Variants in HNF1A observed in about 807,000 individuals in gnomAD.
HNF1A encodes hepatocyte nuclear factor 1-alpha.
Under a neutral mutation model 62.2 loss-of-function variants are expected in HNF1A, and 21 were observed. The observed-to-expected ratio is 0.34, with a 90% CI of 0.24 to 0.49. The LOEUF is 0.49. HNF1A is among the 20% of genes least tolerant of loss of function. The probability of loss-of-function intolerance (pLI) is 0.99; values close to 1 mark genes in which losing one functional copy is unlikely to be tolerated. For synonymous variants in HNF1A, 374 were observed against 366.8 expected (o/e 1.02, Z -0.22); for missense variants, 687 against 832.3 (o/e 0.83, Z 2.15).
At position 120,978,764 on chromosome 12, in the gene HNF1A, G is replaced by A. The variant is rs370979090; in HGVS notation, c.-5G>A. 95 of 1,612,626 alleles carry A rather than the reference G, an allele frequency of 5.9e-5. 1 individual carries two copies. In the African/African-American group the frequency reaches 1.1e-3, roughly 19 times the overall value. ...CGGGCCGCGTGGCCCTGTGGCAGCC[G>A]AGCCATGGTTTCTAAACTGAGCCAG... On this transcript the variant is annotated 5_prime_UTR_variant, in exon 1 of 10. Transcript: ENST00000257555.
chr12:120,990,638 GAAAGGGAGGAAAGGT>G (rs1876781734), intron 2 of HNF1A, among the ~76,000 whole-genome samples: 63 of 99,820 alleles, frequency 6.3e-4, no homozygotes, highest in African/African-American at 1.5e-3. Context: ...GGAAAGATAG[GAAAGGGAGGAAAGGT>G]AGGAAAGGGA....
Position 121,002,441 on chromosome 12 carries a change from G to A in HNF1A, c.*1249G>A. 3.8e-6 allele frequency: 2 copies of A among 531,486 alleles called. No homozygotes were observed. The highest frequency in any genetic ancestry group is 7.3e-6 in the Non-Finnish European group (2 of 273,642). 32.9% of individuals were successfully genotyped at this position (531,486 alleles called of 1,614,324 possible). On this transcript the variant is annotated 3_prime_UTR_variant, in exon 10 of 10. Transcript: ENST00000257555. ...CTGGGGTGACCCGGCACCCCCTGCA[G>A]CTTGTAGCCAGCCGGGGCGAGTGGC...
At position 121,001,293 on chromosome 12, in the gene HNF1A, G is replaced by A; in HGVS notation, c.*101G>A. 1 of 1,426,094 alleles carries A rather than the reference G, an allele frequency of 7.0e-7. No individual in the cohort carries two copies. Among genetic ancestry groups the A allele is most frequent in the Non-Finnish European group, 9.7e-7 (1 of 1,035,606 alleles). The allele number at this position is 1,426,094 out of a possible 1,614,324, so 88.3% of individuals were successfully genotyped here. ...GACCTGAGCCTGCCGAGCAACCGTG[G>A]CCCTTCCTGGACAGCTGTGCCTCGC... On this transcript the variant is annotated 3_prime_UTR_variant, in exon 10 of 10. Coordinates refer to ENST00000257555, the MANE Select transcript of HNF1A (RefSeq NM_000545.8).
At chr12:120,990,427 C>A (rs1025237204) in intron 2 of HNF1A, among the ~76,000 whole-genome samples, 2 of 152,076 alleles carry the variant, frequency 1.3e-5, no homozygotes, top group African/African-American at 4.8e-5. Flanking sequence ...CCGCGCCTGG[C>A]CTTAATTATC....
At chr12:120,998,214 T>A (rs1263923960) in intron 7 of HNF1A, 2 of 226,192 alleles carry the variant, frequency 8.8e-6, no homozygotes, top group Non-Finnish European at 1.8e-5. Context: ...GAGGCGGAGG[T>A]TGCAGTGAGC....
chr12:120,997,118 T>G (rs187772747), intron 6 of HNF1A: 5 of 1,398,050 alleles, frequency 3.6e-6, no homozygotes, highest in Admixed American at 5.9e-5. Flanking sequence ...AGAAGCCCAG[T>G]ACATAAGATA....
At chr12:120,992,976 C>G (rs1213586996) in intron 2 of HNF1A, among the ~76,000 whole-genome samples, 1 of 152,184 alleles carries the variant, frequency 6.6e-6, no homozygotes, top group Non-Finnish European at 1.5e-5. Flanking sequence ...CAGGGATAAG[C>G]TGGTAGACCA....
rs1216794621 is a variant in HNF1A at position 121,002,092 on chromosome 12, G to A, written c.*900G>A. The A allele has an allele frequency of 3.7e-6, 2 of 534,918 alleles. No homozygotes were observed. The highest frequency in any genetic ancestry group is 3.7e-5 in the African/African-American group (2 of 53,906). 33.1% of individuals were successfully genotyped at this position (534,918 alleles called of 1,614,324 possible). On this transcript the variant is annotated 3_prime_UTR_variant, in exon 10 of 10. Transcript: ENST00000257555. ...CAGACCCTGCCCTTGTTTGGGGCAG[G>A]AGTAGCTGAGCTCACAAGGCAGCAA... is the stretch of plus-strand genomic sequence containing the variant.
intron 2 of HNF1A, among the ~76,000 whole-genome samples, chr12:120,990,343 A>ATGTTGACCAGGC: frequency 6.6e-6 from 1 of 150,928 alleles, no homozygotes; most frequent in Non-Finnish European, 1.5e-5. Flanking sequence ...GGGTTTCACC[A>ATGTTGACCAGGC]TGGTCTCGAT....
rs1219295936 is a variant in HNF1A at position 121,001,046 on chromosome 12, G to C, written c.1769-19G>C. On this transcript the variant is annotated intron_variant, in intron 9 of 9. Transcript: ENST00000257555. ...GTGGGTGCCTGGTGGGTGGCTAGCA[G>C]CCTTGTTTGCCTCTGCAGTGTCCTC... is the stretch of plus-strand genomic sequence containing the variant. 6.2e-7 allele frequency: 1 copy of C among 1,612,372 alleles called. No individual in the cohort carries two copies. The highest frequency in any genetic ancestry group is 8.5e-7 in the Non-Finnish European group (1 of 1,179,766).
chr12:121,000,835 C>T (rs1238469145), intron 9 of HNF1A: 1 of 575,084 alleles, frequency 1.7e-6, no homozygotes, highest in Admixed American at 2.8e-5. Flanking sequence ...GGGGCTTCTC[C>T]AGTGTTCACA....
At chr12:120,980,091 T>G (rs1049038031) in intron 1 of HNF1A, among the ~76,000 whole-genome samples, 1 of 152,136 alleles carries the variant, frequency 6.6e-6, no homozygotes, top group Non-Finnish European at 1.5e-5. Context: ...GTGCTGAGGT[T>G]TCACAGGAAT....
At position 121,001,294 on chromosome 12, in the gene HNF1A, C is replaced by A; in HGVS notation, c.*102C>A. The A allele has an allele frequency of 7.0e-7, 1 of 1,422,308 alleles. No individual in the cohort carries two copies. The highest frequency in any genetic ancestry group is 9.7e-7 in the Non-Finnish European group (1 of 1,032,406). 88.1% of individuals were successfully genotyped at this position (1,422,308 alleles called of 1,614,324 possible). A position where few individuals can be genotyped will look rare whatever the true frequency, so the allele number is the denominator to read the frequency against. On this transcript the variant is annotated 3_prime_UTR_variant, in exon 10 of 10. Transcript: ENST00000257555. Reference sequence around the variant, plus strand: ...ACCTGAGCCTGCCGAGCAACCGTGGCCCTTCCTGGACAGCTGTGCCTCGCT... The same window carrying A: ...ACCTGAGCCTGCCGAGCAACCGTGGACCTTCCTGGACAGCTGTGCCTCGCT...
chr12:120,982,258 T>G (rs1213139137), intron 1 of HNF1A, among the ~76,000 whole-genome samples: 1 of 152,060 alleles, frequency 6.6e-6, no homozygotes, highest in Non-Finnish European at 1.5e-5. Flanking sequence ...TTAGTAGAGA[T>G]GGGGTTTCAC....
intron 7 of HNF1A, among the ~76,000 whole-genome samples, 158 bp from the exon 8 acceptor site, chr12:120,999,110 C>T (rs1291657149): frequency 1.3e-5 from 2 of 152,194 alleles, no homozygotes; most frequent in Non-Finnish European, 2.9e-5. Flanking sequence ...GTCCCTTTAT[C>T]TGGAGCCTCC....
chr12:121,000,919 T>A, intron 9 of HNF1A, 146 bp from the exon 10 acceptor site: 1 of 1,130,106 alleles, frequency 8.8e-7, no homozygotes, highest in South Asian at 1.3e-5. Flanking sequence ...GAACCGAGGG[T>A]AGAGGTGTGA....
At position 120,991,644 on chromosome 12, in the gene HNF1A, C is replaced by T. The variant is rs57630469; in HGVS notation, c.527-1876C>T. ...TGTATGTATGATGTATGTATGTATGCATGCATGCATGCATGCAATAGACAA... is the reference window on the plus strand; with the variant it reads ...TGTATGTATGATGTATGTATGTATGTATGCATGCATGCATGCAATAGACAA... On this transcript the variant is annotated intron_variant, in intron 2 of 9. Coordinates refer to ENST00000257555, the MANE Select transcript of HNF1A (RefSeq NM_000545.8). Among the ~76,000 whole-genome samples, 420 of 143,208 alleles carry T rather than the reference C, an allele frequency of 2.9e-3. 4 individuals are homozygous for T. Among genetic ancestry groups the T allele is most frequent in the African/African-American group, 9.7e-3 (372 of 38,256 alleles). 94.0% of individuals were successfully genotyped at this position (143,208 alleles called of 152,430 possible). A position where few individuals can be genotyped will look rare whatever the true frequency, so the allele number is the denominator to read the frequency against.
chr12:120,998,005 C>CGTG, intron 7 of HNF1A: 2 of 577,360 alleles, frequency 3.5e-6, no homozygotes, highest in Non-Finnish European at 6.2e-6. Context: ...TGGGGCCAGG[C>CGTG]GTGGTGGCTC....
chr12:120,986,554 G>C (rs746115684), intron 1 of HNF1A, among the ~76,000 whole-genome samples: 5 of 152,066 alleles, frequency 3.3e-5, no homozygotes, highest in Non-Finnish European at 7.4e-5. Context: ...CTGCTGTATT[G>C]AGCTGTATTT....
Sources: allele counts gnomAD v4.1 joint callset (sites outside exome capture counted in the v4.1 genomes callset), GRCh38; gene constraint gnomAD v4.1.1; transcripts MANE v1.5; gene names NCBI Gene and HGNC (gene_info 2026-07-23, HGNC 2026-07-21).